The following KIRREL3 variants were observed in gnomAD, a reference collection of about 807,000 sequenced individuals.
The protein encoded by KIRREL3 is kin of IRRE-like protein 3.
Under a neutral mutation model 89.7 loss-of-function variants are expected in KIRREL3, and 36 were observed. That is an observed-to-expected ratio of 0.40 (90% CI 0.31 to 0.53). The LOEUF (loss-of-function observed/expected upper bound fraction) is 0.53. Among genes scored for constraint, KIRREL3 ranks in the 20% least tolerant of loss-of-function variants. The pLI, the probability that KIRREL3 is intolerant of heterozygous loss-of-function variation, is 0.49. For missense variants in KIRREL3, 864 were observed against 1,056.6 expected (o/e 0.82, Z 2.53); for synonymous variants, 445 against 441.4 (o/e 1.01, Z -0.10).
chr11:126,674,731 T>A (rs555595326), intron 1 of KIRREL3, among the ~76,000 whole-genome samples: 1 of 152,170 alleles, frequency 6.6e-6, no homozygotes, highest in Admixed American at 6.5e-5. Context: ...CATCTTTTCT[T>A]AGGAGCTAAG....
intron 1 of KIRREL3, among the ~76,000 whole-genome samples, chr11:126,828,136 T>C (rs1429701201): frequency 2.0e-5 from 3 of 152,238 alleles, no homozygotes; most frequent in African/African-American, 7.2e-5. Flanking sequence ...TAAATGCCAG[T>C]ACTTTTAAAA....
rs1268997569 is a variant in KIRREL3 at position 126,491,921 on chromosome 11, C to T, written c.434-18455G>A. Among the ~76,000 whole-genome samples, 1 of 152,014 alleles carries T rather than the reference C, an allele frequency of 6.6e-6. No individual in the cohort carries two copies. Among genetic ancestry groups the T allele is most frequent in the Non-Finnish European group, 1.5e-5 (1 of 68,000 alleles). On this transcript the variant is annotated intron_variant, in intron 4 of 16. Transcript: ENST00000525144. The surrounding 1 kb of genome is among the most constrained non-coding windows in gnomAD (Gnocchi z 5.5). ...TTCACCATGTTGGCCAGGCTGGTCT[C>T]GAACTCCAGACCTCAAGTGATCCTC...
At chr11:126,435,426 AC>A (rs1022742635) in intron 12 of KIRREL3, 123 bp from the exon 13 acceptor site, 5 of 932,768 alleles carry the variant, frequency 5.4e-6, no homozygotes, top group Non-Finnish European at 3.4e-6. Flanking sequence ...TGTCTCTGGG[AC>A]CCCCCAACAG....
chr11:126,727,340 G>T (rs1409799585), intron 1 of KIRREL3, among the ~76,000 whole-genome samples: 1 of 152,194 alleles, frequency 6.6e-6, no homozygotes. Context: ...CAGACCCCTC[G>T]GAAAGTGTTC....
rs561441091 is a variant in KIRREL3, at chr11:126,489,117, C to T, written c.434-15651G>A. On this transcript the variant is annotated intron_variant, in intron 4 of 16. Transcript: ENST00000525144. This position sits in a 1 kb window ranked among gnomAD's most constrained non-coding sequence, Gnocchi z 5.5. ...AGTCAGTCTCATCCTGGGGTGCATC[C>T]CAGGGCTCAGCCTGGGACCTCAGCA... is the stretch of plus-strand genomic sequence containing the variant. Among the ~76,000 whole-genome samples, 102 of 152,294 alleles carry T rather than the reference C, an allele frequency of 6.7e-4. No homozygotes were observed. The highest frequency in any genetic ancestry group is 6.8e-3 in the Middle Eastern group (2 of 294).
Position 126,729,545 on chromosome 11 carries a change from C to T in KIRREL3, c.56-166633G>A, listed in dbSNP as rs1276717604. 6.6e-6 allele frequency among the ~76,000 whole-genome samples: 1 copy of T among 152,146 alleles called. No individual in the cohort carries two copies. Among genetic ancestry groups the T allele is most frequent in the African/African-American group, 2.4e-5 (1 of 41,436 alleles). On this transcript the variant is annotated intron_variant, in intron 1 of 16. Coordinates refer to ENST00000525144, the MANE Select transcript of KIRREL3 (RefSeq NM_032531.4). This position sits in a 1 kb window ranked among gnomAD's most constrained non-coding sequence, Gnocchi z 4.5. ...TCAGGGAGTGATTACCTGCAATATG[C>T]CAGGGTACTGTCCCTGTAAACAATG...
Position 126,686,409 on chromosome 11 carries a change from T to A in KIRREL3, c.56-123497A>T, listed in dbSNP as rs1343670779. Reference sequence around the variant, plus strand: ...TGAGCTGCAGAGACAGAAGACACCATCCTATTTTTATAAGCCTTGTGGGTC... The same window carrying A: ...TGAGCTGCAGAGACAGAAGACACCAACCTATTTTTATAAGCCTTGTGGGTC... On this transcript the variant is annotated intron_variant, in intron 1 of 16. Coordinates refer to ENST00000525144, the MANE Select transcript of KIRREL3 (RefSeq NM_032531.4). The surrounding 1 kb of genome is among the most constrained non-coding windows in gnomAD (Gnocchi z 4.7). 2.6e-5 allele frequency among the ~76,000 whole-genome samples: 4 copies of A among 152,008 alleles called. No homozygotes were observed. Among genetic ancestry groups the A allele is most frequent in the Non-Finnish European group, 4.4e-5 (3 of 68,004 alleles).
rs1950110126 is a variant in KIRREL3 at position 126,993,967 on chromosome 11, A to G, written c.55+6488T>C. Reference sequence around the variant, plus strand: ...TGAATACAGGCCAAGTGAGCAGACCATCTAGATAATTCAGCATGATGCGCA... The same window carrying G: ...TGAATACAGGCCAAGTGAGCAGACCGTCTAGATAATTCAGCATGATGCGCA... On this transcript the variant is annotated intron_variant, in intron 1 of 16. Coordinates refer to ENST00000525144, the MANE Select transcript of KIRREL3 (RefSeq NM_032531.4). This position sits in a 1 kb window ranked among gnomAD's most constrained non-coding sequence, Gnocchi z 6.1. Among the ~76,000 whole-genome samples, 1 of 152,226 alleles carries G rather than the reference A, an allele frequency of 6.6e-6. No homozygotes were observed. Among genetic ancestry groups the G allele is most frequent in the Admixed American group, 6.5e-5 (1 of 15,286 alleles).
rs1463780824 is a variant in KIRREL3, at chr11:126,459,283, G to A, written c.743-2829C>T. On this transcript the variant is annotated intron_variant, in intron 6 of 16. Coordinates refer to ENST00000525144, the MANE Select transcript of KIRREL3 (RefSeq NM_032531.4). The surrounding 1 kb of genome is among the most constrained non-coding windows in gnomAD (Gnocchi z 4.8). ...TGAGGTCTGAGAGGCAGGGAGGTGGGGCACACACCTGTTGTAGGACCTTCC... is the reference window on the plus strand; with the variant it reads ...TGAGGTCTGAGAGGCAGGGAGGTGGAGCACACACCTGTTGTAGGACCTTCC... Among the ~76,000 whole-genome samples the A allele has an allele frequency of 6.6e-6, 1 of 152,124 alleles. No homozygotes were observed. The highest frequency in any genetic ancestry group is 1.9e-4 in the East Asian group (1 of 5,184).
rs765790781 is a variant in KIRREL3 at position 126,445,020 on chromosome 11, C to T, written c.1211G>A (p.Arg404His). 4.3e-6 allele frequency: 7 copies of T among 1,613,900 alleles called. No individual in the cohort carries two copies. In the East Asian group the frequency reaches 6.7e-5, roughly 15 times the overall value. ...CACCTCTCTCTCCCCGGCTCCCACA[C>T]GGGGCACCACAGCCCGGCACACGTA... ...GKYVCRAVVP[R>H]VGAGEREVTL... The change falls in exon 10 of 17, where the codon CGT (arginine) becomes CAT (histidine). Residue 404 changes from arginine to histidine, a missense_variant. Transcript: ENST00000525144.
At chr11:126,657,369 G>A (rs562847548) in intron 1 of KIRREL3, among the ~76,000 whole-genome samples, 1 of 152,280 alleles carries the variant, frequency 6.6e-6, no homozygotes, top group African/African-American at 2.4e-5. Context: ...TTCCAAAAAA[G>A]TAGAGCCCTG....
rs983764171 is a variant in KIRREL3, at chr11:126,605,542, G to C, written c.56-42630C>G. Among the ~76,000 whole-genome samples the C allele has an allele frequency of 6.6e-6, 1 of 152,220 alleles. No individual in the cohort carries two copies. The highest frequency in any genetic ancestry group is 2.4e-5 in the African/African-American group (1 of 41,456). On this transcript the variant is annotated intron_variant, in intron 1 of 16. Transcript: ENST00000525144. This position sits in a 1 kb window ranked among gnomAD's most constrained non-coding sequence, Gnocchi z 5.7. ...CACAGCCCACACTTAGCAGCTTGGCGCACGCAAATAGGAGCTCTGCTCACA... is the reference window on the plus strand; with the variant it reads ...CACAGCCCACACTTAGCAGCTTGGCCCACGCAAATAGGAGCTCTGCTCACA...
chr11:126,712,919 C>T (rs960260140), intron 1 of KIRREL3, among the ~76,000 whole-genome samples: 2 of 152,306 alleles, frequency 1.3e-5, no homozygotes, highest in East Asian at 1.9e-4. Context: ...TGAGTGCCTT[C>T]GAAGCTCTGG....
chr11:126,941,355 T>C (rs1487326499), intron 1 of KIRREL3, among the ~76,000 whole-genome samples: 3 of 152,212 alleles, frequency 2.0e-5, no homozygotes, highest in African/African-American at 4.8e-5. Flanking sequence ...TGTTAGAGCC[T>C]TCTCTGTAGT....
At chr11:126,865,655 G>A (rs1592246996) in intron 1 of KIRREL3, among the ~76,000 whole-genome samples, 1 of 152,324 alleles carries the variant, frequency 6.6e-6, no homozygotes, top group African/African-American at 2.4e-5. Flanking sequence ...GTGCAGAGAT[G>A]TGACCAATTG....
At position 126,570,687 on chromosome 11, in the gene KIRREL3, A is replaced by G. The variant is rs1411486826; in HGVS notation, c.56-7775T>C. Among the ~76,000 whole-genome samples, 1 of 152,188 alleles carries G rather than the reference A, an allele frequency of 6.6e-6. No individual in the cohort carries two copies. The highest frequency in any genetic ancestry group is 1.9e-4 in the East Asian group (1 of 5,196). On this transcript the variant is annotated intron_variant, in intron 1 of 16. Coordinates refer to ENST00000525144, the MANE Select transcript of KIRREL3 (RefSeq NM_032531.4). This position sits in a 1 kb window ranked among gnomAD's most constrained non-coding sequence, Gnocchi z 6.1. ...CCAGCCATGCCATTATTTGGCTGGC[A>G]TAGCTCTATCCCCCATGCGGCCAAG...
At position 126,750,952 on chromosome 11, in the gene KIRREL3, T is replaced by C. The variant is rs1463020660; in HGVS notation, c.56-188040A>G. Among the ~76,000 whole-genome samples, 1 of 152,242 alleles carries C rather than the reference T, an allele frequency of 6.6e-6. No homozygotes were observed. Among genetic ancestry groups the C allele is most frequent in the Non-Finnish European group, 1.5e-5 (1 of 68,050 alleles). ...AAACACATTTATAGATTTTTATAAA[T>C]CCAATTAAGTTTATTATCTTAATAT... On this transcript the variant is annotated intron_variant, in intron 1 of 16. Coordinates refer to ENST00000525144, the MANE Select transcript of KIRREL3 (RefSeq NM_032531.4). This position sits in a 1 kb window ranked among gnomAD's most constrained non-coding sequence, Gnocchi z 4.2.
chr11:126,446,549 A>G (rs1955821052), intron 9 of KIRREL3, among the ~76,000 whole-genome samples: 1 of 152,218 alleles, frequency 6.6e-6, no homozygotes, highest in Admixed American at 6.5e-5. Flanking sequence ...ACAGGGCAAG[A>G]GTGCAATGGC....
At position 126,859,003 on chromosome 11, in the gene KIRREL3, T is replaced by C. The variant is rs558369389; in HGVS notation, c.55+141452A>G. On this transcript the variant is annotated intron_variant, in intron 1 of 16. Coordinates refer to ENST00000525144, the MANE Select transcript of KIRREL3 (RefSeq NM_032531.4). ...CGCTGAGGGATGAGGACTCCAGCTA[T>C]GTACAGGGTTCCTGGTTTCCCACAA... Among the ~76,000 whole-genome samples the C allele has an allele frequency of 9.8e-5, 15 of 152,332 alleles. No homozygotes were observed. In the East Asian group the frequency reaches 2.3e-3, roughly 24 times the overall value.
Sources: gnomAD v4.1 joint callset for allele counts (sites outside exome capture counted in the v4.1 genomes callset) on GRCh38, gnomAD v4.1.1 for gene constraint, Gnocchi (gnomAD v3.1) non-coding constraint, MANE v1.5 for transcripts, NCBI Gene and HGNC (gene_info 2026-07-23, HGNC 2026-07-21) for gene names.